LPP: variants seen among roughly 807,000 people sequenced by gnomAD.
The protein encoded by LPP is LIM domain containing preferred translocation partner in lipoma.
A neutral mutation model predicts 60.4 loss-of-function variants in LPP; 38 were observed. The ratio of observed to expected loss-of-function variants is 0.63; its 90% CI spans 0.49 to 0.83. The LOEUF is 0.83. LPP is among the 40% of genes least tolerant of loss of function. LPP has a pLI of 0.00. For synonymous variants in LPP, 328 were observed against 290.8 expected (o/e 1.13, Z -1.30); for missense variants, 902 against 783.6 (o/e 1.15, Z -1.80).
At chr3:188,481,147 A>T (rs573136473) in intron 4 of LPP, among the ~76,000 whole-genome samples, 61 of 152,202 alleles carry the variant, frequency 4.0e-4, no homozygotes, top group African/African-American at 1.4e-3. Flanking sequence ...CTGATTTAGG[A>T]TAGTTATTAG....
chr3:188,708,161 G>T, intron 7 of LPP, 106 bp from the exon 8 acceptor site: 1 of 1,290,188 alleles, frequency 7.8e-7, no homozygotes, highest in East Asian at 2.3e-5. Flanking sequence ...TGACAGCCAC[G>T]TCCAGTGCTT....
chr3:188,264,996 CCTT>C, intron 2 of LPP, among the ~76,000 whole-genome samples: 1 of 152,278 alleles, frequency 6.6e-6, no homozygotes, highest in Non-Finnish European at 1.5e-5. Flanking sequence ...CCACTGGAAG[CCTT>C]CTGCTCGCGT....
chr3:188,645,717 G>A (rs1373484007), intron 7 of LPP, among the ~76,000 whole-genome samples: 1 of 151,860 alleles, frequency 6.6e-6, no homozygotes, highest in Non-Finnish European at 1.5e-5. Context: ...TATTTTTAAA[G>A]GGATAGTGCA....
rs781306584 is a variant in LPP at position 188,458,990 on chromosome 3, A to G, written c.194-25602A>G. On this transcript the variant is annotated intron_variant, in intron 4 of 11. Transcript: ENST00000617246. ...GAGAGACCCCAGGTTGATCTGATCTACTATAGTTAACAAGTCAGATAAACT... is the reference window on the plus strand; with the variant it reads ...GAGAGACCCCAGGTTGATCTGATCTGCTATAGTTAACAAGTCAGATAAACT... 6.9e-4 allele frequency among the ~76,000 whole-genome samples: 105 copies of G among 152,040 alleles called. 1 individual carries two copies. The highest frequency in any genetic ancestry group is 4.7e-4 in the Non-Finnish European group (32 of 67,992).
intron 1 of LPP, among the ~76,000 whole-genome samples, chr3:188,214,857 C>T (rs1036209039): frequency 6.6e-6 from 1 of 152,164 alleles, no homozygotes; most frequent in African/African-American, 2.4e-5. Flanking sequence ...AGCTGACAAG[C>T]ATTGGTTGCT....
intron 5 of LPP, among the ~76,000 whole-genome samples, chr3:188,520,378 C>T (rs1818540736): frequency 6.6e-6 from 1 of 152,154 alleles, no homozygotes; most frequent in Non-Finnish European, 1.5e-5. Flanking sequence ...AACTGCAACA[C>T]CTTTCACTCA....
chr3:188,653,901 G>A (rs967164159), intron 7 of LPP, among the ~76,000 whole-genome samples: 15 of 152,250 alleles, frequency 9.9e-5, no homozygotes, highest in African/African-American at 2.6e-4. Flanking sequence ...CTGTCCTCAG[G>A]CTTGTTAGCT....
chr3:188,495,428 GAA>G (rs2149802994), intron 5 of LPP, among the ~76,000 whole-genome samples: 1 of 151,844 alleles, frequency 6.6e-6, no homozygotes, highest in South Asian at 2.1e-4. Flanking sequence ...TCCAAGAGTT[GAA>G]GGAACTTGTT....
At chr3:188,615,917 A>G (rs1844759430) in intron 7 of LPP, among the ~76,000 whole-genome samples, 1 of 151,966 alleles carries the variant, frequency 6.6e-6, no homozygotes, top group Non-Finnish European at 1.5e-5. Context: ...CCCTTTGTCC[A>G]CTTTTTGATG....
At chr3:188,633,388 C>A (rs1458078790) in intron 7 of LPP, among the ~76,000 whole-genome samples, 2 of 152,318 alleles carry the variant, frequency 1.3e-5, no homozygotes, top group East Asian at 3.9e-4. Flanking sequence ...GCATTAATAA[C>A]CAGTTACTTA....
chr3:188,423,065 C>T (rs931779816), intron 4 of LPP, among the ~76,000 whole-genome samples: 1 of 151,942 alleles, frequency 6.6e-6, no homozygotes, highest in Non-Finnish European at 1.5e-5. Context: ...CCGTCATCTA[C>T]ATTAGGTATT....
intron 1 of LPP, among the ~76,000 whole-genome samples, chr3:188,224,110 CCT>C (rs2149309234): frequency 6.6e-6 from 1 of 152,110 alleles, no homozygotes; most frequent in East Asian, 1.9e-4. Context: ...AGCACAAGTC[CCT>C]CTGCCCAGTG....
intron 3 of LPP, among the ~76,000 whole-genome samples, chr3:188,404,659 T>A (rs1251814477): frequency 6.6e-6 from 1 of 152,152 alleles, no homozygotes; most frequent in Non-Finnish European, 1.5e-5. Flanking sequence ...GTTTCCCAGC[T>A]CTCCCCTCCA....
intron 9 of LPP, among the ~76,000 whole-genome samples, chr3:188,802,510 C>T (rs1391563860): frequency 2.0e-5 from 3 of 152,102 alleles, no homozygotes; most frequent in Admixed American, 6.5e-5. Context: ...TGGCTGGGCA[C>T]GGTGGCTCAC....
chr3:188,351,845 T>C (rs896133722), intron 3 of LPP, among the ~76,000 whole-genome samples: 4 of 152,160 alleles, frequency 2.6e-5, no homozygotes, highest in East Asian at 1.9e-4. Context: ...AAAATTGGCG[T>C]TGGGGGACTT....
At chr3:188,469,342 TG>T (rs1801225686) in intron 4 of LPP, among the ~76,000 whole-genome samples, 1 of 112 alleles carries the variant, frequency 8.9e-3, no homozygotes, top group Admixed American at 0.056. Context: ...ATTGCCCGGT[TG>T]TGGTGGTTGT....
At chr3:188,750,485 T>G (rs529875122) in intron 8 of LPP, among the ~76,000 whole-genome samples, 3 of 152,046 alleles carry the variant, frequency 2.0e-5, no homozygotes, top group Admixed American at 2.0e-4. Flanking sequence ...ATCAAAAAAT[T>G]AGCCAGCCAT....
Position 188,884,853 on chromosome 3 carries a change from C to T in LPP, c.*10374C>T, listed in dbSNP as rs114659416. ...CTGCAACAGGCATTTCCGATAGAGCCGATCCATGAGCTAACAATGTCTGAA... is the reference window on the plus strand; with the variant it reads ...CTGCAACAGGCATTTCCGATAGAGCTGATCCATGAGCTAACAATGTCTGAA... On this transcript the variant is annotated 3_prime_UTR_variant, in exon 12 of 12. Transcript: ENST00000617246. The T allele has an allele frequency of 0.015, 3,358 of 225,644 alleles. 97 individuals carry two copies. The highest frequency in any genetic ancestry group is 0.067 in the African/African-American group (3,031 of 44,996). The allele number at this position is 225,644 out of a possible 1,614,324, so 14.0% of individuals were successfully genotyped here. A position where few individuals can be genotyped will look rare whatever the true frequency, so the allele number is the denominator to read the frequency against.
rs1186825744 is a variant in LPP at position 188,240,374 on chromosome 3, T to TGA, written c.-67+14848_-67+14849insAG. Among the ~76,000 whole-genome samples the TGA allele has an allele frequency of 9.8e-4, 133 of 136,374 alleles. 1 individual carries two copies. Among genetic ancestry groups the TGA allele is most frequent in the African/African-American group, 4.2e-3 (128 of 30,784 alleles). 89.5% of individuals were successfully genotyped at this position (136,374 alleles called of 152,430 possible). A position where few individuals can be genotyped will look rare whatever the true frequency, so the allele number is the denominator to read the frequency against. On this transcript the variant is annotated intron_variant, in intron 2 of 11. Transcript: ENST00000617246. ...GTGTGTGTGTGTGTGTGTGTGTGTG[T>TGA]GTGAGAGAGAGACAGAGAGAGAAAG... is the stretch of plus-strand genomic sequence containing the variant.
Sources: allele counts gnomAD v4.1 joint callset (sites outside exome capture counted in the v4.1 genomes callset), GRCh38; gene constraint gnomAD v4.1.1; transcripts MANE v1.5; gene names NCBI Gene and HGNC (gene_info 2026-07-23, HGNC 2026-07-21).